FAM53A: variants seen among roughly 807,000 people sequenced by gnomAD.
FAM53A encodes the protein family with sequence similarity 53 member A, also known as protein FAM53A.
FAM53A carries 28 observed loss-of-function variants against 26.6 expected under a neutral mutation model. The ratio of observed to expected loss-of-function variants is 1.05; its 90% confidence interval spans 0.78 to 1.45. FAM53A has a LOEUF of 1.45. Among genes scored for constraint, FAM53A ranks in the 40% most tolerant of loss-of-function variants. FAM53A has a pLI of 0.00. For missense variants in FAM53A, 650 were observed against 575.8 expected, an observed-to-expected ratio of 1.13 and a Z score of -1.32; for synonymous variants, 290 against 253.1, an observed-to-expected ratio of 1.15 and a Z score of -1.38.
chr4:1,580,560 C>T, the FAM53A span, among the ~76,000 whole-genome samples: 17 of 150,566 alleles, frequency 1.1e-4, no homozygotes, highest in Non-Finnish European at 2.1e-4. Flanking sequence ...CGGGCCCCAC[C>T]TCCCGCCCTA....
At chr4:1,575,808 C>CATTCTTGG in the FAM53A span, among the ~76,000 whole-genome samples, 1 of 152,062 alleles carries the variant, frequency 6.6e-6, no homozygotes, top group Non-Finnish European at 1.5e-5. Context: ...GGAGAGCCAT[C>CATTCTTGG]ATTCTTGGAG....
chr4:1,584,205 C>A, the FAM53A span, among the ~76,000 whole-genome samples: 2 of 152,210 alleles, frequency 1.3e-5, no homozygotes, highest in African/African-American at 4.8e-5. Context: ...ATCCATTTTT[C>A]ATCTTATGAT....
the FAM53A span, among the ~76,000 whole-genome samples, chr4:1,597,355 C>T: frequency 6.6e-6 from 1 of 152,094 alleles, no homozygotes; most frequent in Non-Finnish European, 1.5e-5. Flanking sequence ...GTGAGGGGAG[C>T]CCTGAGGACT....
the FAM53A span, among the ~76,000 whole-genome samples, chr4:1,601,646 C>T: frequency 5.7e-4 from 63 of 111,242 alleles, 24 homozygotes; most frequent in Admixed American, 2.0e-4. Context: ...CATGCCCAAC[C>T]CTCAAGGCCT....
chr4:1,624,088 G>A (rs1715174630), intron 1 of FAM53A, among the ~76,000 whole-genome samples: 1 of 152,228 alleles, frequency 6.6e-6, no homozygotes, highest in Admixed American at 6.5e-5. Context: ...TCGTCTGCAG[G>A]GACCACTGGT....
chr4:1,612,582 C>A, the FAM53A span, among the ~76,000 whole-genome samples: 7 of 152,186 alleles, frequency 4.6e-5, no homozygotes, highest in Non-Finnish European at 2.9e-5. Context: ...CGCGTAAACA[C>A]GCACATGGCA....
At chr4:1,614,451 G>A (rs1468939491), downstream of FAM53A, among the ~76,000 whole-genome samples, 1 of 135,926 alleles carries the variant, frequency 7.4e-6, no homozygotes, top group Non-Finnish European at 1.6e-5. Flanking sequence ...GAGACATGAG[G>A]GGCATGCAGA....
At chr4:1,658,104 G>A (rs1057475206) in intron 2 of FAM53A, among the ~76,000 whole-genome samples, 4 of 151,092 alleles carry the variant, frequency 2.6e-5, no homozygotes, top group Admixed American at 2.0e-4. Flanking sequence ...TCTGCCTCCC[G>A]GGTTCACGCC....
intron 4 of FAM53A, among the ~76,000 whole-genome samples, chr4:1,653,731 T>A (rs1044493251): frequency 6.6e-6 from 1 of 152,196 alleles, no homozygotes; most frequent in African/African-American, 2.4e-5. Context: ...AAGAATCAAC[T>A]GGAGAGCCCA....
At chr4:1,594,965 C>T in the FAM53A span, among the ~76,000 whole-genome samples, 10 of 152,356 alleles carry the variant, frequency 6.6e-5, no homozygotes, top group South Asian at 2.1e-4. Context: ...TGCAGACTGC[C>T]GGCCCCAGGC....
chr4:1,660,367 T>G (rs1283581745), intron 2 of FAM53A, among the ~76,000 whole-genome samples: 1 of 150,546 alleles, frequency 6.6e-6, no homozygotes, highest in African/African-American at 2.5e-5. Flanking sequence ...GGGGCTGAGG[T>G]GGGAAGATCA....
intron 1 of FAM53A, among the ~76,000 whole-genome samples, chr4:1,680,148 C>T (rs552492362): frequency 2.6e-5 from 4 of 151,676 alleles, no homozygotes; most frequent in Admixed American, 6.6e-5. Flanking sequence ...GGAGAAACCC[C>T]GTCTCTACTA....
At chr4:1,603,172 C>T in the FAM53A span, among the ~76,000 whole-genome samples, 3 of 152,338 alleles carry the variant, frequency 2.0e-5, no homozygotes, top group African/African-American at 7.2e-5. Flanking sequence ...CTCTCTGTGC[C>T]TCAGTTTCCT....
At chr4:1,660,173 C>T (rs546124865) in intron 2 of FAM53A, among the ~76,000 whole-genome samples, 1 of 152,152 alleles carries the variant, frequency 6.6e-6, no homozygotes, top group African/African-American at 2.4e-5. Flanking sequence ...ATCCCAGCTA[C>T]TTGGGAGGCT....
At chr4:1,624,422 C>A (rs569776811) in intron 1 of FAM53A, among the ~76,000 whole-genome samples, 67 of 152,290 alleles carry the variant, frequency 4.4e-4, no homozygotes, top group African/African-American at 1.6e-3. Flanking sequence ...CGTGACCCCC[C>A]GAACCACAAA....
chr4:1,655,560 G>C lies in FAM53A; in HGVS notation c.300C>G (p.Ala100=). The C allele has an allele frequency of 3.8e-6, 6 of 1,576,794 alleles. No individual in the cohort carries two copies. The highest frequency in any genetic ancestry group is 5.2e-6 in the Non-Finnish European group (6 of 1,160,914). ...SPRPGAGLGA[A]STVDPSESTG... Reference sequence around the variant, plus strand: ...TGCTTTCACTGGGGTCCACGGTGCTGGCTGCACCCAGGCCTGCGCCTGGGC... The same window carrying C: ...TGCTTTCACTGGGGTCCACGGTGCTCGCTGCACCCAGGCCTGCGCCTGGGC... Residue 100 remains alanine (A), a synonymous_variant, in exon 4 of 5, where the codon GCC becomes GCG. Coordinates refer to ENST00000308132, the MANE Select transcript of FAM53A (RefSeq NM_001174070.3).
At chr4:1,642,998 C>G (rs1037736973) in intron 4 of FAM53A, among the ~76,000 whole-genome samples, 1 of 152,194 alleles carries the variant, frequency 6.6e-6, no homozygotes, top group Admixed American at 6.5e-5. Flanking sequence ...ACAAGCTCAC[C>G]AATTCCACAG....
chr4:1,674,668 C>CAA (rs34285756), intron 1 of FAM53A, among the ~76,000 whole-genome samples: 1 of 143,604 alleles, frequency 7.0e-6, no homozygotes, highest in Non-Finnish European at 1.5e-5. Flanking sequence ...GACTCTGTCT[C>CAA]AAAAAAAAAA....
chr4:1,646,866 G>C (rs995814081), intron 4 of FAM53A, among the ~76,000 whole-genome samples: 1 of 152,212 alleles, frequency 6.6e-6, no homozygotes, highest in Non-Finnish European at 1.5e-5. Context: ...AGGCAGCTGA[G>C]CGCCTTCTCT....
Sources: gnomAD v4.1 joint callset for allele counts (sites outside exome capture counted in the v4.1 genomes callset) on GRCh38, gnomAD v4.1.1 for gene constraint, MANE v1.5 for transcripts, NCBI Gene and HGNC (gene_info 2026-07-23, HGNC 2026-07-21) for gene names.